CDC14A: variants seen among roughly 807,000 people sequenced by gnomAD.
CDC14A encodes cell division cycle 14A, also known as dual specificity protein phosphatase CDC14A.
CDC14A carries 53 observed loss-of-function variants against 74.4 expected under a neutral mutation model. The observed-to-expected ratio is 0.71, with a 90% CI of 0.57 to 0.89. The LOEUF is 0.89. Among genes scored for constraint, CDC14A ranks in the 40% least tolerant of loss-of-function variants. The pLI is 0.00. For synonymous variants in CDC14A, 247 were observed against 258.4 expected, an observed-to-expected ratio of 0.96 and a Z score of 0.43; for missense variants, 646 against 713.7, an observed-to-expected ratio of 0.91 and a Z score of 1.08.
At position 100,520,254 on chromosome 1, in the gene CDC14A, A is replaced by G. The variant is rs1650579330; in HGVS notation, c.*1974A>G. The G allele has an allele frequency of 6.6e-6, 1 of 152,590 alleles. No homozygotes were observed. Among genetic ancestry groups the G allele is most frequent in the Non-Finnish European group, 1.5e-5 (1 of 67,984 alleles). The allele number at this position is 152,590 out of a possible 1,614,324, so 9.5% of individuals were successfully genotyped here. ...GTGTAGAAGAATACACTGCTAATAA[A>G]TAATAAAAGTTTTATTCAATTTACT... On this transcript the variant is annotated 3_prime_UTR_variant, in exon 16 of 16. Transcript: ENST00000336454.
intron 4 of CDC14A, among the ~76,000 whole-genome samples, chr1:100,397,927 T>C (rs1243596288): frequency 6.6e-6 from 1 of 152,222 alleles, no homozygotes; most frequent in Non-Finnish European, 1.5e-5. Flanking sequence ...AAGACCTAAG[T>C]AGTTATACTC....
intron 15 of CDC14A, among the ~76,000 whole-genome samples, chr1:100,502,494 G>A (rs1044110320): frequency 3.9e-5 from 6 of 152,166 alleles, no homozygotes; most frequent in African/African-American, 1.4e-4. Context: ...CTACCATCTA[G>A]GTTTGTATAA....
At chr1:100,507,169 C>T (rs1263435663) in intron 15 of CDC14A, among the ~76,000 whole-genome samples, 1 of 152,180 alleles carries the variant, frequency 6.6e-6, no homozygotes, top group African/African-American at 2.4e-5. Context: ...AAACTTCATG[C>T]AGGCATCTTC....
At chr1:100,506,423 C>T (rs1439480422) in intron 15 of CDC14A, among the ~76,000 whole-genome samples, 1 of 152,004 alleles carries the variant, frequency 6.6e-6, no homozygotes, top group Non-Finnish European at 1.5e-5. Context: ...ATTTTTTTTC[C>T]CTTCCCAAGG....
At chr1:100,444,179 C>T (rs930884764) in intron 7 of CDC14A, among the ~76,000 whole-genome samples, 5 of 152,212 alleles carry the variant, frequency 3.3e-5, no homozygotes, top group Admixed American at 3.3e-4. Flanking sequence ...TCCTCCCTAA[C>T]CTAGTGAGTA....
Position 100,508,866 on chromosome 1 carries a change from G to C in CDC14A, c.1756-9385G>C, listed in dbSNP as rs1265979424. 6.6e-6 allele frequency among the ~76,000 whole-genome samples: 1 copy of C among 152,170 alleles called. No individual in the cohort carries two copies. Among genetic ancestry groups the C allele is most frequent in the Admixed American group, 6.5e-5 (1 of 15,276 alleles). On this transcript the variant is annotated intron_variant, in intron 15 of 15. Transcript: ENST00000336454. This position sits in a 1 kb window ranked among gnomAD's most constrained non-coding sequence, Gnocchi z 4.4. ...ATTGTTTCTGGGTCACAAAGATGTT[G>C]ATCTTGCTTTTAATTTCTGCTGTGC...
At chr1:100,402,484 A>G (rs922305120) in intron 4 of CDC14A, among the ~76,000 whole-genome samples, 1 of 152,188 alleles carries the variant, frequency 6.6e-6, no homozygotes, top group Non-Finnish European at 1.5e-5. Context: ...GTAAAATTTG[A>G]TATTGAATGT....
At chr1:100,495,505 A>G (rs1647639821) in intron 12 of CDC14A, among the ~76,000 whole-genome samples, 1 of 152,236 alleles carries the variant, frequency 6.6e-6, no homozygotes, top group Non-Finnish European at 1.5e-5. Context: ...GGGTTTAAAA[A>G]AAGGGGAATC....
At chr1:100,457,599 C>T (rs552864091) in intron 8 of CDC14A, among the ~76,000 whole-genome samples, 1 of 151,208 alleles carries the variant, frequency 6.6e-6, no homozygotes, top group Admixed American at 6.6e-5. Flanking sequence ...GCTGGGACTA[C>T]AAGGCACAGC....
chr1:100,351,753 C>T (rs1570926642), upstream of CDC14A: 8 of 1,550,392 alleles, frequency 5.2e-6, no homozygotes, highest in East Asian at 2.0e-4. Context: ...GCGTGGAGAA[C>T]CAGATGGGAA....
At chr1:100,443,082 GT>G in intron 7 of CDC14A, 86 bp downstream of exon 7, 1 of 859,154 alleles carries the variant, frequency 1.2e-6, no homozygotes, top group South Asian at 1.4e-5. Context: ...TGCAAATCGA[GT>G]GGGTGCTAAA....
chr1:100,361,972 C>T (rs1652808230), intron 2 of CDC14A, among the ~76,000 whole-genome samples: 1 of 151,952 alleles, frequency 6.6e-6, no homozygotes, highest in African/African-American at 2.4e-5. Context: ...TGAGCAGATG[C>T]GGGTAGGGAG....
At chr1:100,393,234 TTTC>T in intron 4 of CDC14A, 2 of 1,568,718 alleles carry the variant, frequency 1.3e-6, no homozygotes, top group Non-Finnish European at 1.8e-6. Flanking sequence ...TTGAATATGT[TTTC>T]TTAACTTCTG....
intron 4 of CDC14A, chr1:100,393,008 C>A: frequency 7.6e-7 from 1 of 1,308,824 alleles, no homozygotes; most frequent in Non-Finnish European, 1.1e-6. Flanking sequence ...GAGAGCCCAA[C>A]TTTTCTACCC....
chr1:100,345,037 T>G (rs1250183321), exon 1 of CDC14A: 7 of 152,200 alleles, frequency 4.6e-5, no homozygotes. Flanking sequence ...CAGGGGAATT[T>G]AGGAATCCAT....
intron 4 of CDC14A, among the ~76,000 whole-genome samples, chr1:100,418,731 G>T (rs553649613): frequency 5.8e-4 from 89 of 152,342 alleles, no homozygotes; most frequent in African/African-American, 2.1e-3. Flanking sequence ...CGGAACTAAT[G>T]AAATTTAAGA....
intron 15 of CDC14A, among the ~76,000 whole-genome samples, chr1:100,511,246 C>T (rs1214067496): frequency 6.6e-6 from 1 of 152,122 alleles, no homozygotes; most frequent in African/African-American, 2.4e-5. Context: ...TTCCCTTGGC[C>T]CTGTCTTCCT....
chr1:100,475,199 C>A (rs912155333), intron 10 of CDC14A, among the ~76,000 whole-genome samples: 1 of 152,164 alleles, frequency 6.6e-6, no homozygotes, highest in African/African-American at 2.4e-5. Context: ...CCATTTAACC[C>A]ACTCACTGAA....
intron 15 of CDC14A, among the ~76,000 whole-genome samples, chr1:100,511,466 T>C (rs1295418057): frequency 6.6e-6 from 1 of 152,206 alleles, no homozygotes; most frequent in African/African-American, 2.4e-5. Context: ...CCCTTAATGA[T>C]TGTCCTTACA....
Sources: allele counts gnomAD v4.1 joint callset (sites outside exome capture counted in the v4.1 genomes callset), GRCh38; gene constraint gnomAD v4.1.1; non-coding constraint Gnocchi (gnomAD v3.1); transcripts MANE v1.5; gene names NCBI Gene and HGNC (gene_info 2026-07-23, HGNC 2026-07-21).